The following KLHDC1 variants were observed in gnomAD, a reference collection of about 807,000 sequenced individuals.
KLHDC1 encodes kelch domain containing 1, also known as kelch domain-containing protein 1.
In KLHDC1, 53 loss-of-function variants were observed where a neutral mutation model predicts 68.3. The observed-to-expected ratio is 0.78, with a 90% CI of 0.62 to 0.98. The LOEUF (loss-of-function observed/expected upper bound fraction) is 0.98. Ranked by LOEUF, KLHDC1 falls within the 50% of genes least tolerant of loss-of-function variation. The pLI, the probability that KLHDC1 is intolerant of heterozygous loss-of-function variation, is 0.00. For synonymous variants in KLHDC1, 148 were observed against 159.0 expected (o/e 0.93, Z 0.52); for missense variants, 470 against 492.3 (o/e 0.95, Z 0.43).
At chr14:49,739,808 T>C (rs1889016570) in intron 10 of KLHDC1, among the ~76,000 whole-genome samples, 1 of 152,158 alleles carries the variant, frequency 6.6e-6, no homozygotes, top group Non-Finnish European at 1.5e-5. Flanking sequence ...CCCAGCACTT[T>C]AGGAGACCGA....
intron 10 of KLHDC1, among the ~76,000 whole-genome samples, chr14:49,738,988 A>G (rs1888998111): frequency 6.6e-6 from 1 of 152,248 alleles, no homozygotes; most frequent in Admixed American, 6.5e-5. Flanking sequence ...TCATAATCTT[A>G]GTTAGCTAGT....
At chr14:49,720,820 A>C (rs780994217) in intron 4 of KLHDC1, among the ~76,000 whole-genome samples, 6 of 152,104 alleles carry the variant, frequency 3.9e-5, no homozygotes, top group Non-Finnish European at 7.4e-5. Flanking sequence ...CTTGTCTTCA[A>C]GTTTACTGAT....
At position 49,752,050 on chromosome 14, in the gene KLHDC1, C is replaced by T. The variant is rs1889331899; in HGVS notation, c.*278C>T. The T allele has an allele frequency of 1.1e-5, 2 of 181,516 alleles. No individual in the cohort carries two copies. The highest frequency in any genetic ancestry group is 2.3e-5 in the Non-Finnish European group (2 of 87,174). The allele number at this position is 181,516 out of a possible 1,614,324, so 11.2% of individuals were successfully genotyped here. On this transcript the variant is annotated 3_prime_UTR_variant, in exon 13 of 13. Coordinates refer to ENST00000359332, the MANE Select transcript of KLHDC1 (RefSeq NM_172193.3). ...ATTTTAAATCAATGTGTATTCTTTA[C>T]TGGAAAGATTACATACATTTGAGAA...
chr14:49,729,570 G>A (rs781125633), intron 8 of KLHDC1, 22 bp downstream of exon 8: 85 of 1,523,230 alleles, frequency 5.6e-5, no homozygotes, highest in South Asian at 1.5e-4. Flanking sequence ...GTCTAAGTAC[G>A]TTTTAATCTA....
At chr14:49,721,373 A>G (rs1012678957) in intron 4 of KLHDC1, among the ~76,000 whole-genome samples, 14 of 151,868 alleles carry the variant, frequency 9.2e-5, no homozygotes, top group African/African-American at 3.4e-4. Context: ...TTGTGGAGAC[A>G]GGTCTCCTTA....
intron 1 of KLHDC1, among the ~76,000 whole-genome samples, chr14:49,697,410 A>G (rs1357341759): frequency 3.3e-5 from 5 of 152,214 alleles, no homozygotes; most frequent in Non-Finnish European, 5.9e-5. Context: ...TAATATATCA[A>G]AGATCATTGA....
chr14:49,745,686 G>A (rs1453967728), intron 12 of KLHDC1, among the ~76,000 whole-genome samples: 1 of 152,200 alleles, frequency 6.6e-6, no homozygotes. Flanking sequence ...AACAGTGCAA[G>A]GGTGTTAGTG....
chr14:49,713,827 TATATATATATATATATATA>T (rs1888285210), intron 4 of KLHDC1, among the ~76,000 whole-genome samples: 27 of 6,240 alleles, frequency 4.3e-3, no homozygotes, highest in East Asian at 0.011. Context: ...TATATATATA[TATATATATATATATATATA>T]TATATTTTTT....
At chr14:49,726,642 C>T (rs1391974018) in intron 6 of KLHDC1, among the ~76,000 whole-genome samples, 2 of 152,124 alleles carry the variant, frequency 1.3e-5, no homozygotes, top group Non-Finnish European at 2.9e-5. Context: ...AGTATTCTTT[C>T]ATTTGTTAGT....
At chr14:49,697,114 T>C (rs565551958) in intron 1 of KLHDC1, among the ~76,000 whole-genome samples, 11 of 152,230 alleles carry the variant, frequency 7.2e-5, no homozygotes, top group Admixed American at 2.0e-4. Context: ...TTTTTTTGAA[T>C]TTTAATAGAG....
Position 49,732,792 on chromosome 14 carries a change from C to G in KLHDC1, c.799C>G (p.Leu267Val), listed in dbSNP as rs751086992. Residue 267 changes from leucine (L) to valine (V), a missense_variant, in exon 9 of 13, where the codon CTA (leucine) becomes GTA (valine). Transcript: ENST00000359332. ...ADDKLFLCGG[L>V]SADNIPLSDG... ...TGATAAACTTTTCCTATGTGGTGGA[C>G]TAAGTGCAGATAATATCCCATTAAG... The G allele has an allele frequency of 2.6e-6, 4 of 1,565,428 alleles. No individual in the cohort carries two copies. In the South Asian group the frequency reaches 4.4e-5, roughly 17 times the overall value.
At position 49,752,439 on chromosome 14, in the gene KLHDC1, C is replaced by T. The variant is rs1318476382; in HGVS notation, c.*667C>T. The T allele has an allele frequency of 6.6e-6, 1 of 152,344 alleles. No homozygotes were observed. Among genetic ancestry groups the T allele is most frequent in the Non-Finnish European group, 1.5e-5 (1 of 67,896 alleles). The allele number at this position is 152,344 out of a possible 1,614,324, so 9.4% of individuals were successfully genotyped here. A position where few individuals can be genotyped will look rare whatever the true frequency, so the allele number is the denominator to read the frequency against. The stretch of plus-strand genomic sequence containing the variant: ...GTTTGTCTAGTTTATATATAAAGAC[C>T]ATGTTTTAAAGTACATAAAGTGGAG... On this transcript the variant is annotated 3_prime_UTR_variant, in exon 13 of 13. Coordinates refer to ENST00000359332, the MANE Select transcript of KLHDC1 (RefSeq NM_172193.3).
chr14:49,712,277 GT>G (rs1888226263), intron 4 of KLHDC1, among the ~76,000 whole-genome samples: 1 of 151,920 alleles, frequency 6.6e-6, no homozygotes, highest in African/African-American at 2.4e-5. Context: ...GGTCTTTTTT[GT>G]TGTTTTGTTC....
intron 10 of KLHDC1, among the ~76,000 whole-genome samples, chr14:49,739,209 A>G (rs1889003180): frequency 6.6e-6 from 1 of 152,238 alleles, no homozygotes; most frequent in South Asian, 2.1e-4. Context: ...AACAGAGTGA[A>G]CAAAAGCCTA....
At chr14:49,705,812 GTAAGTT>G (rs996922558) in intron 1 of KLHDC1, among the ~76,000 whole-genome samples, 1 of 152,104 alleles carries the variant, frequency 6.6e-6, no homozygotes, top group African/African-American at 2.4e-5. Context: ...AGACATGAGT[GTAAGTT>G]TATGTTTTTT....
chr14:49,721,969 T>C (rs915854807), intron 4 of KLHDC1, among the ~76,000 whole-genome samples: 2 of 152,188 alleles, frequency 1.3e-5, no homozygotes, highest in African/African-American at 4.8e-5. Context: ...CCTGTTTGCA[T>C]CACAAACTTT....
chr14:49,696,875 A>T (rs1221641546), intron 1 of KLHDC1, among the ~76,000 whole-genome samples: 1 of 151,180 alleles, frequency 6.6e-6, no homozygotes, highest in Non-Finnish European at 1.5e-5. Context: ...AGTGAGGGAC[A>T]GTCCACTCTT....
intron 6 of KLHDC1, among the ~76,000 whole-genome samples, chr14:49,727,248 C>T (rs1389022857): frequency 6.6e-6 from 1 of 151,120 alleles, no homozygotes; most frequent in African/African-American, 2.4e-5. Flanking sequence ...GAGACTCCGT[C>T]TGTACCAAAA....
At chr14:49,711,904 C>CTTTTTTTTTTT (rs1888211658) in intron 4 of KLHDC1, among the ~76,000 whole-genome samples, 1 of 89,096 alleles carries the variant, frequency 1.1e-5, no homozygotes, top group Non-Finnish European at 2.5e-5. Flanking sequence ...TTTCTTTTTT[C>CTTTTTTTTTTT]TTTTTCTTTT....
Sources: gnomAD v4.1 joint callset for allele counts (sites outside exome capture counted in the v4.1 genomes callset) on GRCh38, gnomAD v4.1.1 for gene constraint, MANE v1.5 for transcripts, NCBI Gene and HGNC (gene_info 2026-07-23, HGNC 2026-07-21) for gene names.